Variants in MGAM observed in about 807,000 individuals in gnomAD.
MGAM encodes the protein alpha-1,4-glucosidase.
Under a neutral mutation model 358.8 loss-of-function variants are expected in MGAM, and 253 were observed. The ratio of observed to expected loss-of-function variants is 0.71; its 90% CI spans 0.64 to 0.78. The LOEUF (loss-of-function observed/expected upper bound fraction) is 0.78. Ranked by LOEUF, MGAM falls within the 30% of genes least tolerant of loss-of-function variation. The probability of loss-of-function intolerance (pLI) is 0.00; values close to 1 mark genes in which losing one functional copy is unlikely to be tolerated. For missense variants in MGAM, 3,080 were observed against 3,432.6 expected, an observed-to-expected ratio of 0.90 and a Z score of 2.57; for synonymous variants, 1,105 against 1,227.1, an observed-to-expected ratio of 0.90 and a Z score of 2.08.
intron 22 of MGAM, among the ~76,000 whole-genome samples, chr7:142,049,114 G>C (rs1810692139): frequency 6.6e-6 from 1 of 152,082 alleles, no homozygotes; most frequent in Non-Finnish European, 1.5e-5. Context: ...TGCAGTACTT[G>C]ACTTTCTGTC....
chr7:142,039,526 C>G (rs1312428335), intron 19 of MGAM, among the ~76,000 whole-genome samples: 1 of 152,114 alleles, frequency 6.6e-6, no homozygotes, highest in Non-Finnish European at 1.5e-5. Context: ...TCCCTCCAGG[C>G]CCCACCTCCA....
chr7:141,997,070 G>A (rs965168532), intron 1 of MGAM, among the ~76,000 whole-genome samples: 8 of 152,172 alleles, frequency 5.3e-5, no homozygotes, highest in Admixed American at 2.6e-4. Flanking sequence ...CTAGACACAC[G>A]CAGGCATTTC....
At chr7:142,028,968 T>C (rs1404979961) in intron 10 of MGAM, among the ~76,000 whole-genome samples, 1 of 152,188 alleles carries the variant, frequency 6.6e-6, no homozygotes, top group Non-Finnish European at 1.5e-5. Context: ...ACAGCCACCA[T>C]AATAATGAGT....
chr7:142,063,707 TG>T, intron 36 of MGAM, 121 bp downstream of exon 36: 1 of 1,180,208 alleles, frequency 8.5e-7, no homozygotes. Flanking sequence ...TGTGGTTTAC[TG>T]GGGACCAGAG....
chr7:142,068,625 C>T, intron 42 of MGAM, 22 bp from the exon 43 acceptor site: 1 of 1,510,900 alleles, frequency 6.6e-7, no homozygotes, highest in Non-Finnish European at 9.1e-7. Context: ...CACTGCCTCA[C>T]CTTGTTTGTG....
chr7:142,064,635 A>G (rs557400776), intron 37 of MGAM, 113 bp downstream of exon 37: 14 of 1,373,700 alleles, frequency 1.0e-5, no homozygotes, highest in Middle Eastern at 1.8e-4. Flanking sequence ...GAAGATTCTC[A>G]TAACTCTGTA....
At chr7:142,088,721 ATGTCTGTC>A (rs1283708069) in intron 57 of MGAM, among the ~76,000 whole-genome samples, 2,886 of 118,484 alleles carry the variant, frequency 0.024, 240 homozygotes, top group African/African-American at 0.052. Context: ...CTATTCATTT[ATGTCTGTC>A]TGTCTGTCTG....
At chr7:142,007,066 G>A (rs891958198) in intron 2 of MGAM, among the ~76,000 whole-genome samples, 1 of 152,018 alleles carries the variant, frequency 6.6e-6, no homozygotes, top group Admixed American at 6.6e-5. Flanking sequence ...TGAGTTTGAT[G>A]TTTGTTCTTG....
intron 21 of MGAM, among the ~76,000 whole-genome samples, chr7:142,047,534 G>A: frequency 6.6e-6 from 1 of 152,146 alleles, no homozygotes; most frequent in Non-Finnish European, 1.5e-5. Context: ...AGTTATTGCA[G>A]TGCCTCTGGT....
intron 22 of MGAM, among the ~76,000 whole-genome samples, chr7:142,048,520 T>TTTTTTTTTTTTTTTTTTTTTTTTTTG (rs1563163870): frequency 6.6e-6 from 1 of 151,386 alleles, no homozygotes; most frequent in Non-Finnish European, 1.5e-5. Flanking sequence ...AACCCAATGT[T>TTTTTTTTTTTTTTTTTTTTTTTTTTG]AATGTCTTCC....
intron 45 of MGAM, among the ~76,000 whole-genome samples, chr7:142,074,707 T>C (rs994043317): frequency 1.4e-5 from 2 of 146,616 alleles, no homozygotes; most frequent in Admixed American, 1.4e-4. Flanking sequence ...TGCAATGTTC[T>C]GGTAGAAAAG....
At chr7:142,010,047 G>T (rs1563108889) in intron 3 of MGAM, among the ~76,000 whole-genome samples, 1 of 152,100 alleles carries the variant, frequency 6.6e-6, no homozygotes, top group Non-Finnish European at 1.5e-5. Flanking sequence ...AGAACTAAAA[G>T]AATAACTTTC....
At chr7:142,065,190 G>C (rs989698006) in intron 37 of MGAM, 145 bp from the exon 38 acceptor site, 3 of 1,148,742 alleles carry the variant, frequency 2.6e-6, no homozygotes, top group African/African-American at 3.1e-5. Context: ...GGGATCAGTG[G>C]AACTCCTATT....
At chr7:142,061,985 A>G (rs921422005) in intron 34 of MGAM, among the ~76,000 whole-genome samples, 4 of 152,234 alleles carry the variant, frequency 2.6e-5, no homozygotes, top group East Asian at 1.9e-4. Context: ...ATGTGAGGGT[A>G]GAGGAAAATA....
chr7:142,015,755 C>A (rs1554455883), intron 3 of MGAM, among the ~76,000 whole-genome samples: 1 of 151,676 alleles, frequency 6.6e-6, no homozygotes, highest in African/African-American at 2.4e-5. Flanking sequence ...TAAAAGGAAT[C>A]CTTTTAATAT....
chr7:142,029,273 T>C (rs1287327064), intron 10 of MGAM, among the ~76,000 whole-genome samples: 4 of 151,986 alleles, frequency 2.6e-5, no homozygotes, highest in African/African-American at 9.7e-5. Context: ...GACATGAGAA[T>C]CACTTGAACC....
intron 21 of MGAM, among the ~76,000 whole-genome samples, chr7:142,042,499 A>T (rs1283250431): frequency 3.3e-4 from 8 of 24,034 alleles, no homozygotes; most frequent in African/African-American, 2.0e-3. Context: ...ACATATATAT[A>T]ATATATAATA....
intron 22 of MGAM, 119 bp downstream of exon 22, chr7:142,047,992 A>G (rs1258806500): frequency 6.3e-6 from 5 of 788,662 alleles, no homozygotes; most frequent in Admixed American, 2.4e-5. Flanking sequence ...AGCAAGAGTC[A>G]CTTAAGTATT....
chr7:142,097,344 GA>G lies in MGAM; in HGVS notation c.7693-247del, dbSNP rs201294364. Among the ~76,000 whole-genome samples, 4 of 22,652 alleles carry G rather than the reference GA, an allele frequency of 1.8e-4. No individual in the cohort carries two copies. In the Non-Finnish European group the frequency reaches 2.1e-3, roughly 12 times the overall value. 14.9% of individuals were successfully genotyped at this position (22,652 alleles called of 152,430 possible). A position where few individuals can be genotyped will look rare whatever the true frequency, so the allele number is the denominator to read the frequency against. ...AAGCCTATTTCTATAAGCAAATAGT[GA>G]ATTTTTTTTTTTCCCGAAGTCCTGG... is the stretch of plus-strand genomic sequence containing the variant. On this transcript the variant is annotated intron_variant, in intron 65 of 70. Coordinates refer to ENST00000475668, the MANE Select transcript of MGAM (RefSeq NM_001365693.1).
Sources: gnomAD v4.1 joint callset for allele counts (sites outside exome capture counted in the v4.1 genomes callset) on GRCh38, gnomAD v4.1.1 for gene constraint, MANE v1.5 for transcripts, NCBI Gene and HGNC (gene_info 2026-07-23, HGNC 2026-07-21) for gene names.